The following NAALADL2 variants were observed in gnomAD, a reference collection of about 807,000 sequenced individuals.
NAALADL2 encodes N-acetylated alpha-linked acidic dipeptidase like 2, also known as inactive N-acetylated-alpha-linked acidic dipeptidase-like protein 2.
Under a neutral mutation model 87.2 loss-of-function variants are expected in NAALADL2, and 76 were observed. The ratio of observed to expected loss-of-function variants is 0.87; its 90% confidence interval spans 0.72 to 1.05. The LOEUF (loss-of-function observed/expected upper bound fraction) is 1.05, where lower values mean the gene tolerates loss of function less well. Among genes scored for constraint, NAALADL2 ranks in the 50% least tolerant of loss-of-function variants. The pLI is 0.00. For missense variants in NAALADL2, 1,089 were observed against 945.8 expected (o/e 1.15, Z -1.99); for synonymous variants, 354 against 331.0 (o/e 1.07, Z -0.75).
intron 11 of NAALADL2, among the ~76,000 whole-genome samples, chr3:175,648,733 T>C (rs2149782289): frequency 6.6e-6 from 1 of 152,310 alleles, no homozygotes; most frequent in Admixed American, 6.5e-5. Flanking sequence ...TAAAATATTA[T>C]TGCTGAACCT....
chr3:174,720,431 G>T (rs1014000795), intron 2 of NAALADL2, among the ~76,000 whole-genome samples: 1 of 151,930 alleles, frequency 6.6e-6, no homozygotes, highest in African/African-American at 2.4e-5. Flanking sequence ...TACATTATAT[G>T]ATAGCTATAT....
At chr3:174,926,728 C>G (rs1736098319) in intron 1 of NAALADL2, among the ~76,000 whole-genome samples, 1 of 152,144 alleles carries the variant, frequency 6.6e-6, no homozygotes, top group Admixed American at 6.5e-5. Flanking sequence ...AAAGGAACAA[C>G]TGGTTCCAGC....
At chr3:175,334,517 T>G (rs1352211481) in intron 5 of NAALADL2, among the ~76,000 whole-genome samples, 1 of 152,238 alleles carries the variant, frequency 6.6e-6, no homozygotes, top group African/African-American at 2.4e-5. Context: ...TATTTATGGT[T>G]TGTCTATTCT....
intron 1 of NAALADL2, among the ~76,000 whole-genome samples, chr3:174,974,435 G>A (rs1744096917): frequency 6.6e-6 from 1 of 152,158 alleles, no homozygotes; most frequent in South Asian, 2.1e-4. Flanking sequence ...ACTTAGGTAA[G>A]TCACCGAACA....
At chr3:174,990,624 A>G (rs984010336) in intron 1 of NAALADL2, among the ~76,000 whole-genome samples, 7 of 152,288 alleles carry the variant, frequency 4.6e-5, no homozygotes, top group Non-Finnish European at 7.4e-5. Flanking sequence ...AAACCAAAAA[A>G]AGCTGGGTCG....
chr3:174,727,832 G>C (rs1732347090), intron 2 of NAALADL2, among the ~76,000 whole-genome samples: 1 of 152,102 alleles, frequency 6.6e-6, no homozygotes, highest in Non-Finnish European at 1.5e-5. Flanking sequence ...AGTATCATAT[G>C]TAATAGTTTC....
At chr3:175,774,612 A>G (rs969426568) in intron 13 of NAALADL2, among the ~76,000 whole-genome samples, 2 of 151,942 alleles carry the variant, frequency 1.3e-5, no homozygotes, top group African/African-American at 2.4e-5. Flanking sequence ...AAGGAACTCA[A>G]TTAGCTGTTA....
At chr3:174,553,729 C>A (rs1338905473) in intron 2 of NAALADL2, among the ~76,000 whole-genome samples, 1 of 152,060 alleles carries the variant, frequency 6.6e-6, no homozygotes, top group Non-Finnish European at 1.5e-5. Flanking sequence ...CCCTTGATTT[C>A]ATCTGGGAAT....
At chr3:175,328,706 A>G (rs1293952432) in intron 5 of NAALADL2, among the ~76,000 whole-genome samples, 2 of 152,206 alleles carry the variant, frequency 1.3e-5, no homozygotes, top group Non-Finnish European at 2.9e-5. Flanking sequence ...TAAATTGGGC[A>G]TCCAAACTGA....
rs1220375523 is a variant in NAALADL2, at chr3:175,490,775, T to C, written c.1653+19017T>C. Among the ~76,000 whole-genome samples the C allele has an allele frequency of 3.3e-5, 5 of 152,014 alleles. No individual in the cohort carries two copies. In the East Asian group the frequency reaches 7.7e-4, roughly 24 times the overall value. On this transcript the variant is annotated intron_variant, in intron 9 of 13. Transcript: ENST00000454872. ...GACCCTAAATGTGGGAGTGGATGAA[T>C]TGGAAAGTTACAACGAAAGAAAATG...
At chr3:174,975,083 T>C (rs1041888532) in intron 1 of NAALADL2, among the ~76,000 whole-genome samples, 2 of 152,194 alleles carry the variant, frequency 1.3e-5, no homozygotes, top group Admixed American at 1.3e-4. Context: ...TAGCATCAGG[T>C]TGCCATCTGT....
intron 1 of NAALADL2, among the ~76,000 whole-genome samples, chr3:175,028,779 TA>T (rs1291602808): frequency 6.6e-6 from 1 of 151,900 alleles, no homozygotes; most frequent in African/African-American, 2.4e-5. Flanking sequence ...ATACTTTTTT[TA>T]GAAGCTAAAA....
intron 2 of NAALADL2, among the ~76,000 whole-genome samples, chr3:174,683,458 A>G (rs978308732): frequency 3.9e-5 from 6 of 152,184 alleles, no homozygotes; most frequent in African/African-American, 1.2e-4. Context: ...TAAAAACTGT[A>G]TATAATTAAA....
chr3:174,725,612 G>C (rs1409068204), intron 2 of NAALADL2, among the ~76,000 whole-genome samples: 1 of 152,046 alleles, frequency 6.6e-6, no homozygotes, highest in Non-Finnish European at 1.5e-5. Flanking sequence ...GGTTCAAACT[G>C]AATCTGATAT....
intron 2 of NAALADL2, among the ~76,000 whole-genome samples, chr3:175,132,823 G>C: frequency 6.6e-6 from 1 of 151,826 alleles, no homozygotes; most frequent in Non-Finnish European, 1.5e-5. Context: ...TGGCTGCCGG[G>C]CGGAGATGCT....
chr3:175,161,888 C>T (rs929974539), intron 2 of NAALADL2, among the ~76,000 whole-genome samples: 9 of 152,106 alleles, frequency 5.9e-5, no homozygotes, highest in African/African-American at 1.9e-4. Flanking sequence ...TAACTAACAA[C>T]TGAAGCAGTT....
intron 2 of NAALADL2, chr3:175,115,353 C>T (rs151140422): frequency 6.6e-6 from 1 of 151,444 alleles, no homozygotes; most frequent in African/African-American, 2.4e-5. Flanking sequence ...AGGTTAGTTA[C>T]AGTTTCTTGA....
At chr3:174,614,846 C>G (rs573605376) in intron 2 of NAALADL2, among the ~76,000 whole-genome samples, 1 of 152,132 alleles carries the variant, frequency 6.6e-6, no homozygotes, top group African/African-American at 2.4e-5. Context: ...CCTAGAGTGT[C>G]TAAAATCTGA....
At chr3:174,728,016 T>G (rs1732363721) in intron 2 of NAALADL2, among the ~76,000 whole-genome samples, 1 of 152,146 alleles carries the variant, frequency 6.6e-6, no homozygotes, top group Non-Finnish European at 1.5e-5. Context: ...TAATATGTAC[T>G]TAAGGCTCAT....
Sources: allele counts gnomAD v4.1 joint callset (sites outside exome capture counted in the v4.1 genomes callset), GRCh38; gene constraint gnomAD v4.1.1; transcripts MANE v1.5; gene names NCBI Gene and HGNC (gene_info 2026-07-23, HGNC 2026-07-21).